The following TMEM230 variants were observed in gnomAD, a reference collection of about 807,000 sequenced individuals.
TMEM230 encodes transmembrane protein 230, also known as UPF0414 transmembrane protein C20orf30.
TMEM230 carries 10 observed loss-of-function variants against 15.8 expected under a neutral mutation model. The ratio of observed to expected loss-of-function variants is 0.63; its 90% CI spans 0.39 to 1.07. TMEM230 has a LOEUF of 1.07. Ranked by LOEUF, TMEM230 falls within the 50% of genes least tolerant of loss-of-function variation. The pLI is 0.01. For missense variants in TMEM230, 165 were observed against 193.3 expected (o/e 0.85, Z 0.87); for synonymous variants, 67 against 76.9 (o/e 0.87, Z 0.68).
downstream of TMEM230, chr20:5,067,271 G>A (rs1037060574): frequency 3.3e-5 from 5 of 151,282 alleles, no homozygotes; most frequent in African/African-American, 1.2e-4. Flanking sequence ...GTATGTCCAG[G>A]CTACTCTACA....
At chr20:5,059,651 C>G in the TMEM230 span, among the ~76,000 whole-genome samples, 1 of 151,810 alleles carries the variant, frequency 6.6e-6, no homozygotes, top group Non-Finnish European at 1.5e-5. Context: ...TCAGTGTTGC[C>G]CAGGCTGGAG....
chr20:5,094,865 T>C (rs1235614451), downstream of TMEM230, among the ~76,000 whole-genome samples: 1 of 152,120 alleles, frequency 6.6e-6, no homozygotes, highest in East Asian at 1.9e-4. Context: ...CTTACACTTT[T>C]CTGATCACAG....
At chr20:5,096,493 T>C (rs190502768), downstream of TMEM230, among the ~76,000 whole-genome samples, 110 of 152,310 alleles carry the variant, frequency 7.2e-4, no homozygotes, top group African/African-American at 2.0e-3. Context: ...CTAAGGTGCA[T>C]TGATTGGTAT....
intron 1 of TMEM230, among the ~76,000 whole-genome samples, chr20:5,112,473 A>C (rs2090365315): frequency 6.6e-6 from 1 of 152,230 alleles, no homozygotes; most frequent in African/African-American, 2.4e-5. Context: ...TTAACTGTTC[A>C]TACATCCGCA....
At chr20:5,109,474 T>C (rs1208172949) in intron 2 of TMEM230, 29 bp from the exon 2 acceptor site, 8 of 1,554,220 alleles carry the variant, frequency 5.1e-6, no homozygotes, top group Non-Finnish European at 7.1e-6. Context: ...AAACCCGTTA[T>C]TGTCTGTAGA....
chr20:5,089,180 C>T (rs2089438951), intron 3 of TMEM230, among the ~76,000 whole-genome samples: 1 of 151,746 alleles, frequency 6.6e-6, no homozygotes, highest in Admixed American at 6.6e-5. Flanking sequence ...CAAGACCATC[C>T]TGGCTAACAC....
At chr20:5,112,628 C>T in intron 1 of TMEM230, 2 of 1,232,222 alleles carry the variant, frequency 1.6e-6, no homozygotes, top group Middle Eastern at 3.1e-4. Context: ...TACCAGCTCA[C>T]CGCTACCCCC....
downstream of TMEM230, among the ~76,000 whole-genome samples, chr20:5,095,134 G>C (rs1296128504): frequency 6.6e-6 from 1 of 152,180 alleles, no homozygotes; most frequent in Non-Finnish European, 1.5e-5. Flanking sequence ...GGAAGGATTA[G>C]CATCTTAGCC....
rs113583579 is a variant in TMEM230 at position 5,077,740 on chromosome 20, A to T, written c.223-8391T>A. On this transcript the variant is annotated intron_variant, in intron 3 of 3. Transcript: ENST00000612323. Reference sequence around the variant, plus strand: ...TCCCAGCTACTTGGGTAGTTGAGGCAGGAGAATCACTTGAACCTGGGAGGC... The same window carrying T: ...TCCCAGCTACTTGGGTAGTTGAGGCTGGAGAATCACTTGAACCTGGGAGGC... Among the ~76,000 whole-genome samples, 1,055 of 152,122 alleles carry T rather than the reference A, an allele frequency of 6.9e-3. 8 individuals are homozygous for T. The highest frequency in any genetic ancestry group is 0.023 in the African/African-American group (948 of 41,482).
downstream of TMEM230, chr20:5,067,975 A>G (rs1406703754): frequency 1.3e-5 from 2 of 152,194 alleles, no homozygotes; most frequent in Non-Finnish European, 2.9e-5. Context: ...ACCGTTATCC[A>G]GGCTGGTCTC....
chr20:5,086,714 T>G (rs912659656), intron 3 of TMEM230, among the ~76,000 whole-genome samples: 2 of 151,766 alleles, frequency 1.3e-5, no homozygotes, highest in Non-Finnish European at 2.9e-5. Flanking sequence ...ATCTTTTTTT[T>G]TTTGAGGTAG....
At chr20:5,084,886 T>C (rs887658173) in intron 3 of TMEM230, among the ~76,000 whole-genome samples, 3 of 152,240 alleles carry the variant, frequency 2.0e-5, no homozygotes, top group Non-Finnish European at 2.9e-5. Flanking sequence ...CAGGCCACTG[T>C]TGATGCAACA....
intron 2 of TMEM230, among the ~76,000 whole-genome samples, chr20:5,110,637 C>T (rs1462737876): frequency 6.6e-6 from 1 of 152,194 alleles, no homozygotes; most frequent in Non-Finnish European, 1.5e-5. Context: ...GCCCACCTCT[C>T]TGTCCCATCC....
intron 3 of TMEM230, among the ~76,000 whole-genome samples, chr20:5,091,774 T>G (rs1278623774): frequency 6.6e-6 from 1 of 152,172 alleles, no homozygotes; most frequent in Admixed American, 6.5e-5. Context: ...AAATAATTCA[T>G]GGATAAACAT....
At chr20:5,093,959 CT>C (rs1491503903) in intron 3 of TMEM230, among the ~76,000 whole-genome samples, 1 of 149,926 alleles carries the variant, frequency 6.7e-6, no homozygotes, top group Non-Finnish European at 1.5e-5. Context: ...TTTTTTTCCC[CT>C]TTTTCCTTTG....
rs370527350 is a variant in TMEM230 at position 5,082,989 on chromosome 20, G to A, written c.223-13640C>T. Among the ~76,000 whole-genome samples the A allele has an allele frequency of 2.7e-5, 4 of 148,776 alleles. No individual in the cohort carries two copies. The East Asian group carries it at 8.1e-4, about 30-fold the overall frequency. ...GTCGCCCAGGCTGTAGTGCAATGGC[G>A]CGATCTCGGCTCATTGCAACCTCCA... On this transcript the variant is annotated intron_variant, in intron 3 of 3. Coordinates refer to the TMEM230 transcript ENST00000612323.
intron 3 of TMEM230, among the ~76,000 whole-genome samples, chr20:5,070,813 C>G (rs2088798249): frequency 6.6e-6 from 1 of 152,166 alleles, no homozygotes; most frequent in Admixed American, 6.6e-5. Context: ...GTTGCTCAGG[C>G]TGGAGTACAG....
intron 3 of TMEM230, among the ~76,000 whole-genome samples, chr20:5,079,192 T>C (rs2089101672): frequency 6.6e-6 from 1 of 152,220 alleles, no homozygotes; most frequent in Non-Finnish European, 1.5e-5. Flanking sequence ...TCTTGCCATG[T>C]TGCCCAGGCT....
chr20:5,098,464 T>C (rs1203660578), downstream of TMEM230: 1 of 152,162 alleles, frequency 6.6e-6, no homozygotes, highest in African/African-American at 2.4e-5. Flanking sequence ...TTCAGGGTAG[T>C]ATGGCCGTAG....
Sources: gnomAD v4.1 joint callset for allele counts (sites outside exome capture counted in the v4.1 genomes callset) on GRCh38, gnomAD v4.1.1 for gene constraint, MANE v1.5 for transcripts, NCBI Gene and HGNC (gene_info 2026-07-23, HGNC 2026-07-21) for gene names.